The following RPRD2 variants were observed in gnomAD, a reference collection of about 807,000 sequenced individuals.
The protein encoded by RPRD2 is regulation of nuclear pre-mRNA domain containing 2, also known as regulation of nuclear pre-mRNA domain-containing protein 2.
RPRD2 carries 12 observed loss-of-function variants against 104.4 expected under a neutral mutation model. That is an observed-to-expected ratio of 0.11 (90% CI 0.07 to 0.19). The LOEUF (loss-of-function observed/expected upper bound fraction) is 0.19. Ranked by LOEUF, RPRD2 falls within the 10% of genes least tolerant of loss-of-function variation. The probability of loss-of-function intolerance (pLI) is 1.00; values close to 1 mark genes in which losing one functional copy is unlikely to be tolerated. For synonymous variants in RPRD2, 714 were observed against 684.9 expected (o/e 1.04, Z -0.66); for missense variants, 1,543 against 1,790.1 (o/e 0.86, Z 2.49).
intron 1 of RPRD2, among the ~76,000 whole-genome samples, chr1:150,378,960 C>CA (rs1660918313): frequency 7.7e-6 from 1 of 129,134 alleles, no homozygotes; most frequent in Non-Finnish European, 1.6e-5. Context: ...TCAGCCTGGG[C>CA]AACAGAGTGA....
rs75850752 is a variant in RPRD2 at position 150,457,612 on chromosome 1, G to A, written c.1153+42G>A. 571 of 1,572,678 alleles carry A rather than the reference G, an allele frequency of 3.6e-4. No individual in the cohort carries two copies. The East Asian group carries it at 9.9e-3, about 27-fold the overall frequency. On this transcript the variant is annotated intron_variant, in intron 8 of 10. Coordinates refer to ENST00000369068, the MANE Select transcript of RPRD2 (RefSeq NM_015203.5). ...TTAATAGACAACTTATTCCTTATCTGTTTTGCCTTCTCAGCAATGAATACA... is the reference window on the plus strand; with the variant it reads ...TTAATAGACAACTTATTCCTTATCTATTTTGCCTTCTCAGCAATGAATACA...
intron 7 of RPRD2, among the ~76,000 whole-genome samples, chr1:150,456,446 G>A (rs893443442): frequency 3.3e-5 from 5 of 152,146 alleles, no homozygotes; most frequent in African/African-American, 7.2e-5. Context: ...AGCAATGTAC[G>A]TGATTAATAA....
chr1:150,409,096 A>G (rs1009880625), intron 1 of RPRD2: 6 of 152,232 alleles, frequency 3.9e-5, no homozygotes, highest in African/African-American at 1.4e-4. Context: ...TCTCCTACCA[A>G]GTTAACAGTT....
At position 150,397,964 on chromosome 1, in the gene RPRD2, A is replaced by G. The variant is rs1243313723; in HGVS notation, c.206-19632A>G. Among the ~76,000 whole-genome samples, 3 of 150,716 alleles carry G rather than the reference A, an allele frequency of 2.0e-5. No homozygotes were observed. The East Asian group carries it at 5.9e-4, about 29-fold the overall frequency. On this transcript the variant is annotated intron_variant, in intron 1 of 10. Transcript: ENST00000369068. ...GATGGGCCTTGAGCAACACACAAACATTTCTTAACAGCATCTTTAATTGTA... is the reference window on the plus strand; with the variant it reads ...GATGGGCCTTGAGCAACACACAAACGTTTCTTAACAGCATCTTTAATTGTA...
rs1325748984 is a variant in RPRD2, at chr1:150,462,696, C to T, written c.1412-1831C>T. Among the ~76,000 whole-genome samples, 6 of 152,158 alleles carry T rather than the reference C, an allele frequency of 3.9e-5. 1 individual carries two copies. Among genetic ancestry groups the T allele is most frequent in the Middle Eastern group, 3.4e-3 (1 of 294 alleles). ...TCAGCCTCCTGAGTAGCTGGGACTA[C>T]AGGTGCCTGCCACCACGCCCAGCTA... On this transcript the variant is annotated intron_variant, in intron 9 of 10. Transcript: ENST00000369068.
chr1:150,372,463 G>A (rs1440246035), intron 1 of RPRD2, among the ~76,000 whole-genome samples: 2 of 151,394 alleles, frequency 1.3e-5, no homozygotes, highest in African/African-American at 4.9e-5. Flanking sequence ...CTGGGCAACA[G>A]AGTGAGACTC....
At position 150,476,296 on chromosome 1, in the gene RPRD2, C is replaced by T. The variant is rs1487882600; in HGVS notation, c.*2962C>T. On this transcript the variant is annotated 3_prime_UTR_variant, in exon 11 of 11. Coordinates refer to ENST00000369068, the MANE Select transcript of RPRD2 (RefSeq NM_015203.5). ...ATAAACTTCCTAATGGCAGGATATT[C>T]ACTCTCAATCCTGAAGTTACCGGTT... 1 of 152,134 alleles carries T rather than the reference C, an allele frequency of 6.6e-6. No individual in the cohort carries two copies. Among genetic ancestry groups the T allele is most frequent in the African/African-American group, 2.4e-5 (1 of 41,446 alleles). The allele number at this position is 152,134 out of a possible 1,614,324, so 9.4% of individuals were successfully genotyped here. A position where few individuals can be genotyped will look rare whatever the true frequency, so the allele number is the denominator to read the frequency against.
intron 2 of RPRD2, among the ~76,000 whole-genome samples, chr1:150,430,736 C>T (rs949828062): frequency 7.9e-5 from 12 of 152,152 alleles, no homozygotes; most frequent in Admixed American, 3.3e-4. Context: ...TCGAGACCAG[C>T]CTGACCAACA....
intron 1 of RPRD2, among the ~76,000 whole-genome samples, chr1:150,394,670 C>T (rs587619627): frequency 6.6e-6 from 1 of 152,174 alleles, no homozygotes; most frequent in East Asian, 1.9e-4. Flanking sequence ...CGGCTCACTG[C>T]AACCTCAGCC....
intron 7 of RPRD2, among the ~76,000 whole-genome samples, chr1:150,447,795 C>T (rs1355156553): frequency 6.6e-6 from 1 of 152,182 alleles, no homozygotes; most frequent in African/African-American, 2.4e-5. Flanking sequence ...TCCCACCAGT[C>T]CTACTTCGTA....
Position 150,474,095 on chromosome 1 carries a change from G to A in RPRD2, c.*761G>A, listed in dbSNP as rs1668771443. Reference sequence around the variant, plus strand: ...ACAAGAGAATAGGAAATGTTTTCAAGGTAGTTTCACATGTCTTGCACCAAG... The same window carrying A: ...ACAAGAGAATAGGAAATGTTTTCAAAGTAGTTTCACATGTCTTGCACCAAG... On this transcript the variant is annotated 3_prime_UTR_variant, in exon 11 of 11. Coordinates refer to ENST00000369068, the MANE Select transcript of RPRD2 (RefSeq NM_015203.5). 6.6e-6 allele frequency: 1 copy of A among 152,156 alleles called. No individual in the cohort carries two copies. Among genetic ancestry groups the A allele is most frequent in the African/African-American group, 2.4e-5 (1 of 41,436 alleles). 9.4% of individuals were successfully genotyped at this position (152,156 alleles called of 1,614,324 possible).
At position 150,409,647 on chromosome 1, in the gene RPRD2, C is replaced by CTTT. The variant is rs10684353; in HGVS notation, c.206-7932_206-7930dup. ...GTGTTGTTGGCTTGATGTTGCAATT[C>CTTT]TTTTTTTTTTTTTTTTTTTGAGTCG... On this transcript the variant is annotated intron_variant, in intron 1 of 10. Transcript: ENST00000369068. Among the ~76,000 whole-genome samples, 390 of 114,594 alleles carry CTTT rather than the reference C, an allele frequency of 3.4e-3. 12 individuals are homozygous for CTTT. Among genetic ancestry groups the CTTT allele is most frequent in the Middle Eastern group, 5.0e-3 (1 of 202 alleles). 75.2% of individuals were successfully genotyped at this position (114,594 alleles called of 152,430 possible).
intron 7 of RPRD2, among the ~76,000 whole-genome samples, chr1:150,449,686 C>T (rs1304701235): frequency 2.0e-5 from 3 of 152,046 alleles, no homozygotes; most frequent in African/African-American, 7.2e-5. Flanking sequence ...ACTTGATTAC[C>T]TCTGTAGAAA....
chr1:150,444,487 T>G, intron 6 of RPRD2, 110 bp downstream of exon 6: 4 of 1,053,052 alleles, frequency 3.8e-6, no homozygotes, highest in South Asian at 1.7e-5. Flanking sequence ...AGAAAGCAGT[T>G]GTGGCACCTC....
intron 1 of RPRD2, among the ~76,000 whole-genome samples, chr1:150,402,419 T>A (rs1159414705): frequency 6.6e-6 from 1 of 152,198 alleles, no homozygotes; most frequent in African/African-American, 2.4e-5. Flanking sequence ...GGCTCACGCC[T>A]GTAATCCCAG....
chr1:150,379,634 T>A (rs1572354979), intron 1 of RPRD2, among the ~76,000 whole-genome samples: 1 of 152,150 alleles, frequency 6.6e-6, no homozygotes, highest in African/African-American at 2.4e-5. Context: ...ACTCCCAACC[T>A]CAGGTGATCT....
chr1:150,441,927 A>G lies in RPRD2; in HGVS notation c.483A>G (p.Lys161=). ...AGCAGCTGAAAGAAAATCTGAACAA[A>G]CAACCGAATAAGCAGTGGAAGAAAT... is the stretch of plus-strand genomic sequence containing the variant. ...TQKQLKENLN[K]QPNKQWKKSQ... is the part of the protein sequence containing the mutation. The change falls in exon 4 of 11, where the codon AAA becomes AAG. Residue 161 remains lysine (K), a synonymous_variant. Coordinates refer to ENST00000369068, the MANE Select transcript of RPRD2 (RefSeq NM_015203.5). 6.2e-7 allele frequency: 1 copy of G among 1,613,004 alleles called. No individual in the cohort carries two copies. Among genetic ancestry groups the G allele is most frequent in the Non-Finnish European group, 8.5e-7 (1 of 1,179,490 alleles).
chr1:150,402,854 A>AT (rs1413055778), intron 1 of RPRD2, among the ~76,000 whole-genome samples: 2 of 152,046 alleles, frequency 1.3e-5, no homozygotes, highest in African/African-American at 4.8e-5. Context: ...TGTAATCCCA[A>AT]TTACTCGGGA....
In RPRD2 at chr1:150,471,255, A is replaced by C. The variant is rs1010754620; in HGVS notation, c.2307A>C (p.Ser769=). The change falls in exon 11 of 11, where the codon TCA becomes TCC. Residue 769 remains serine (S), a synonymous_variant. Coordinates refer to ENST00000369068, the MANE Select transcript of RPRD2 (RefSeq NM_015203.5). This position sits in a 1 kb window ranked among gnomAD's most constrained non-coding sequence, Gnocchi z 5.3. ...PGSSTPSSTR[S]PPPGRDESYP... ...CCTCAACACCCAGCAGTACAAGATC[A>C]CCACCCCCTGGGAGAGATGAAAGCT... is the stretch of plus-strand genomic sequence containing the variant. 6.2e-7 allele frequency: 1 copy of C among 1,613,676 alleles called. No individual in the cohort carries two copies. Among genetic ancestry groups the C allele is most frequent in the Non-Finnish European group, 8.5e-7 (1 of 1,179,850 alleles).
Sources: allele counts gnomAD v4.1 joint callset (sites outside exome capture counted in the v4.1 genomes callset), GRCh38; gene constraint gnomAD v4.1.1; non-coding constraint Gnocchi (gnomAD v3.1); transcripts MANE v1.5; gene names NCBI Gene and HGNC (gene_info 2026-07-23, HGNC 2026-07-21).